SLC2A9: variants seen among roughly 807,000 people sequenced by gnomAD.
SLC2A9 encodes the protein solute carrier family 2, facilitated glucose transporter member 9.
In SLC2A9, 39 loss-of-function variants were observed where a neutral mutation model predicts 50.6. The observed-to-expected ratio is 0.77, with a 90% confidence interval of 0.60 to 1.01. The LOEUF (loss-of-function observed/expected upper bound fraction) is 1.01, where lower values mean the gene tolerates loss of function less well. Among genes scored for constraint, SLC2A9 ranks in the 50% least tolerant of loss-of-function variants. The pLI is 0.00. For synonymous variants in SLC2A9, 324 were observed against 276.9 expected (o/e 1.17, Z -1.69); for missense variants, 686 against 677.6 (o/e 1.01, Z -0.14).
rs185169758 is a variant in SLC2A9 at position 9,879,214 on chromosome 4, G to A, written c.1291+8353C>T. 621 of 985,346 alleles carry A rather than the reference G, an allele frequency of 6.3e-4. 6 individuals are homozygous for A. In the African/African-American group the frequency reaches 0.011, roughly 17 times the overall value. 61.0% of individuals were successfully genotyped at this position (985,346 alleles called of 1,614,324 possible). Reference sequence around the variant, plus strand: ...TCTAGGGGGCTGTGGGAGCCCAGAGGGGCGGGCTGTTTCTAAGAAAGTCTC... The same window carrying A: ...TCTAGGGGGCTGTGGGAGCCCAGAGAGGCGGGCTGTTTCTAAGAAAGTCTC... On this transcript the variant is annotated intron_variant, in intron 10 of 11. Coordinates refer to ENST00000264784, the MANE Select transcript of SLC2A9 (RefSeq NM_020041.3).
At chr4:9,830,097 A>T (rs1014175213) in intron 11 of SLC2A9, among the ~76,000 whole-genome samples, 1 of 152,256 alleles carries the variant, frequency 6.6e-6, no homozygotes, top group African/African-American at 2.4e-5. Context: ...ACAACAGCAA[A>T]GATATGGAAT....
At chr4:9,781,422 C>A (rs1217724937) in intron 3 of SLC2A9, among the ~76,000 whole-genome samples, 1 of 152,222 alleles carries the variant, frequency 6.6e-6, no homozygotes, top group African/African-American at 2.4e-5. Context: ...CGCCAAGCAC[C>A]CTTCGGTTTT....
chr4:9,844,614 G>C (rs761040025), intron 10 of SLC2A9, among the ~76,000 whole-genome samples: 1 of 152,200 alleles, frequency 6.6e-6, no homozygotes, highest in Non-Finnish European at 1.5e-5. Flanking sequence ...TTTTCCTCCA[G>C]ATCTCTGTTC....
chr4:9,980,420 A>C lies in SLC2A9; in HGVS notation c.681+172T>G, dbSNP rs13125209. Among the ~76,000 whole-genome samples the C allele has an allele frequency of 0.72, 109,274 of 152,106 alleles. 40,338 individuals carry two copies. Among genetic ancestry groups the C allele is most frequent in the East Asian group, 0.98 (5,085 of 5,182 alleles). ...TCAATTTGTTATGTATTCTTTATGT[A>C]CTTAAAAAAAATAAACTCAAAGGAA... On this transcript the variant is annotated intron_variant, in intron 5 of 11. Transcript: ENST00000264784.
At chr4:9,835,685 G>A (rs1489236673) in intron 10 of SLC2A9, among the ~76,000 whole-genome samples, 1 of 152,194 alleles carries the variant, frequency 6.6e-6, no homozygotes, top group Admixed American at 6.5e-5. Context: ...TGTCTGCTGG[G>A]ATGACTTGTT....
intron 4 of SLC2A9, among the ~76,000 whole-genome samples, chr4:9,982,016 G>T (rs150167509): frequency 0.038 from 5,747 of 152,110 alleles, 172 homozygotes; most frequent in Non-Finnish European, 0.06. Flanking sequence ...TGAGTAGCTG[G>T]GATTATAGGC....
chr4:9,853,588 A>T (rs1458957100), intron 10 of SLC2A9, among the ~76,000 whole-genome samples: 1 of 152,222 alleles, frequency 6.6e-6, no homozygotes, highest in Non-Finnish European at 1.5e-5. Flanking sequence ...TATCAGACAG[A>T]TGATCAGGGC....
chr4:9,819,929 G>C (rs183852440), intron 3 of SLC2A9, among the ~76,000 whole-genome samples: 1 of 152,186 alleles, frequency 6.6e-6, no homozygotes, highest in Admixed American at 6.5e-5. Context: ...GCGAGACTCC[G>C]TCTCAAAACA....
upstream of SLC2A9, among the ~76,000 whole-genome samples, chr4:10,025,241 G>C (rs1454362323): frequency 6.6e-6 from 1 of 152,222 alleles, no homozygotes; most frequent in Non-Finnish European, 1.5e-5. Flanking sequence ...CAAGGTTTAA[G>C]AAGGGCTCAA....
downstream of SLC2A9, among the ~76,000 whole-genome samples, chr4:9,796,753 G>C (rs1235951455): frequency 2.0e-5 from 3 of 152,132 alleles, no homozygotes; most frequent in Admixed American, 2.0e-4. Context: ...CTTCCTATTT[G>C]CTTCACTTGG....
chr4:9,803,587 A>T (rs1470936556), intron 3 of SLC2A9, among the ~76,000 whole-genome samples: 1 of 152,230 alleles, frequency 6.6e-6, no homozygotes, highest in Non-Finnish European at 1.5e-5. Context: ...ATCCACCAGG[A>T]GAGATTGAGG....
chr4:9,910,451 T>A (rs1473719235), intron 7 of SLC2A9, among the ~76,000 whole-genome samples: 1 of 152,266 alleles, frequency 6.6e-6, no homozygotes, highest in Non-Finnish European at 1.5e-5. Context: ...CAGGGTTGGA[T>A]TCCAGAAGTG....
intron 8 of SLC2A9, among the ~76,000 whole-genome samples, chr4:9,898,200 C>G (rs1463244196): frequency 6.6e-6 from 1 of 152,180 alleles, no homozygotes; most frequent in Non-Finnish European, 1.5e-5. Flanking sequence ...AAGGAGCTAA[C>G]ACCTGATGGA....
At chr4:9,927,242 C>T (rs764842394) in intron 6 of SLC2A9, among the ~76,000 whole-genome samples, 9 of 152,178 alleles carry the variant, frequency 5.9e-5, no homozygotes, top group Non-Finnish European at 1.3e-4. Flanking sequence ...GTCTCGAACT[C>T]CTGACCTCAG....
At chr4:9,989,273 CAT>C (rs1311882445) in intron 3 of SLC2A9, among the ~76,000 whole-genome samples, 2 of 152,170 alleles carry the variant, frequency 1.3e-5, no homozygotes, top group Non-Finnish European at 2.9e-5. Flanking sequence ...TGGAGAAAAA[CAT>C]ATGGCTGTGT....
intron 10 of SLC2A9, among the ~76,000 whole-genome samples, chr4:9,875,971 T>C (rs1734255913): frequency 6.6e-6 from 1 of 152,204 alleles, no homozygotes; most frequent in Non-Finnish European, 1.5e-5. Context: ...ATTGTTGAAT[T>C]TGCCTGTTTG....
chr4:9,925,555 T>C (rs570823879), intron 6 of SLC2A9, among the ~76,000 whole-genome samples: 60 of 152,330 alleles, frequency 3.9e-4, no homozygotes, highest in Non-Finnish European at 7.3e-4. Flanking sequence ...ATGCTTGTTC[T>C]TCCATGAAAC....
In SLC2A9 at chr4:9,931,985, T is replaced by TATATATACAC. The variant is rs1553879030; in HGVS notation, c.814+9927_814+9928insGTGTATATAT. Among the ~76,000 whole-genome samples the TATATATACAC allele has an allele frequency of 2.3e-4, 22 of 95,662 alleles. 1 individual carries two copies. The highest frequency in any genetic ancestry group is 5.8e-4 in the African/African-American group (13 of 22,508). The allele number at this position is 95,662 out of a possible 152,430, so 62.8% of individuals were successfully genotyped here. ...CTCTATATATATATATATATATATA[T>TATATATACAC]ATATATATATATATGCCTTGCCTGA... On this transcript the variant is annotated intron_variant, in intron 6 of 11. Transcript: ENST00000264784.
intron 11 of SLC2A9, among the ~76,000 whole-genome samples, chr4:9,827,797 T>C (rs916153762): frequency 6.6e-6 from 1 of 152,132 alleles, no homozygotes; most frequent in African/African-American, 2.4e-5. Context: ...TCAAGAGTAG[T>C]GTGGAGAAGG....
Sources: gnomAD v4.1 joint callset for allele counts (sites outside exome capture counted in the v4.1 genomes callset) on GRCh38, gnomAD v4.1.1 for gene constraint, MANE v1.5 for transcripts, NCBI Gene and HGNC (gene_info 2026-07-23, HGNC 2026-07-21) for gene names.